The following TSG101 variants were observed in gnomAD, a reference collection of about 807,000 sequenced individuals.
The protein encoded by TSG101 is tumor susceptibility gene 101 protein.
A neutral mutation model predicts 48.5 loss-of-function variants in TSG101; 19 were observed. The ratio of observed to expected loss-of-function variants is 0.39; its 90% confidence interval spans 0.27 to 0.58. TSG101 has a LOEUF of 0.58. TSG101 is among the 20% of genes least tolerant of loss of function. The pLI, the probability that TSG101 is intolerant of heterozygous loss-of-function variation, is 0.55. For missense variants in TSG101, 365 were observed against 484.4 expected, an observed-to-expected ratio of 0.75 and a Z score of 2.31; for synonymous variants, 174 against 169.4, an observed-to-expected ratio of 1.03 and a Z score of -0.21.
chr11:18,515,908 G>C (rs1160062965), intron 3 of TSG101, among the ~76,000 whole-genome samples, 191 bp downstream of exon 3: 1 of 152,196 alleles, frequency 6.6e-6, no homozygotes, highest in Non-Finnish European at 1.5e-5. Flanking sequence ...ATATATCTTG[G>C]TAAGGAAGTT....
rs367779669 is a variant in TSG101 at position 18,480,581 on chromosome 11, C to T, written c.1138G>A (p.Ala380Thr). 3 of 1,613,936 alleles carry T rather than the reference C, an allele frequency of 1.9e-6. No individual in the cohort carries two copies. The highest frequency in any genetic ancestry group is 2.5e-6 in the Non-Finnish European group (3 of 1,179,950). Reference sequence around the variant, plus strand: ...TCACTGAGACCGGCAGTCTTTCTTGCTTTTTGCATTAGTGCCCTCAGCTGG... The same window carrying T: ...TCACTGAGACCGGCAGTCTTTCTTGTTTTTTGCATTAGTGCCCTCAGCTGG... ...QFQLRALMQK[A>T]RKTAGLSDLY The change falls in exon 10 of 10, where the codon GCA becomes ACA. Residue 380 changes from alanine (A) to threonine (T), a missense_variant. By Grantham distance (58) the Ala-to-Thr change is moderately conservative. Coordinates refer to ENST00000251968, the MANE Select transcript of TSG101 (RefSeq NM_006292.4).
intron 7 of TSG101, among the ~76,000 whole-genome samples, chr11:18,486,711 G>A (rs867590536): frequency 6.8e-4 from 102 of 151,000 alleles, no homozygotes; most frequent in African/African-American, 2.0e-3. Context: ...TCAGTGTGGC[G>A]ATTCCTCAGG....
intron 7 of TSG101, among the ~76,000 whole-genome samples, chr11:18,499,402 A>ATATATATATATATATATTTTTTTTTT: frequency 5.5e-4 from 3 of 5,450 alleles, no homozygotes; most frequent in Non-Finnish European, 1.0e-3. Flanking sequence ...ATATATATAT[A>ATATATATATATATATATTTTTTTTTT]TTTTTTTTTT....
chr11:18,502,376 T>C, intron 7 of TSG101, 110 bp downstream of exon 7: 1 of 758,440 alleles, frequency 1.3e-6, no homozygotes, highest in Non-Finnish European at 2.1e-6. Context: ...ATTATAGGTT[T>C]TCCTCTAAGA....
intron 7 of TSG101, among the ~76,000 whole-genome samples, chr11:18,500,409 T>C (rs1849869564): frequency 6.6e-6 from 1 of 152,212 alleles, no homozygotes; most frequent in African/African-American, 2.4e-5. Context: ...CCATACTGTT[T>C]TCCATAGTGG....
At chr11:18,507,116 C>T (rs768367402) in intron 5 of TSG101, among the ~76,000 whole-genome samples, 193 bp from the exon 6 acceptor site, 3 of 152,160 alleles carry the variant, frequency 2.0e-5, no homozygotes, top group African/African-American at 2.4e-5. Flanking sequence ...AATTACAATA[C>T]TTATGACAAT....
chr11:18,502,026 C>T (rs1361950269), intron 7 of TSG101, among the ~76,000 whole-genome samples: 1 of 152,228 alleles, frequency 6.6e-6, no homozygotes, highest in Non-Finnish European at 1.5e-5. Flanking sequence ...AATTCTCTCA[C>T]TGCCTTAGTT....
intron 6 of TSG101, among the ~76,000 whole-genome samples, 167 bp downstream of exon 6, chr11:18,506,689 CA>C (rs201817783): frequency 2.7e-5 from 4 of 150,752 alleles, no homozygotes; most frequent in African/African-American, 9.8e-5. Context: ...GACTCCATCT[CA>C]AAAAAAATAA....
intron 4 of TSG101, among the ~76,000 whole-genome samples, chr11:18,511,713 T>C (rs1850085697): frequency 6.6e-6 from 1 of 152,232 alleles, no homozygotes; most frequent in South Asian, 2.1e-4. Flanking sequence ...CACGAAGCTA[T>C]GCAACCATTA....
At chr11:18,512,683 C>T (rs1850106127) in intron 4 of TSG101, among the ~76,000 whole-genome samples, 1 of 150,364 alleles carries the variant, frequency 6.7e-6, no homozygotes, top group African/African-American at 2.4e-5. Flanking sequence ...GGCAGGCAGA[C>T]AGTCAGGATC....
intron 7 of TSG101, among the ~76,000 whole-genome samples, chr11:18,496,812 C>G (rs568086964): frequency 7.9e-5 from 12 of 152,028 alleles, no homozygotes; most frequent in African/African-American, 2.7e-4. Flanking sequence ...AGGATAGCGC[C>G]AGGTGTGGTG....
At chr11:18,510,687 C>G (rs560475878) in intron 4 of TSG101, among the ~76,000 whole-genome samples, 5 of 152,220 alleles carry the variant, frequency 3.3e-5, no homozygotes, top group African/African-American at 1.2e-4. Context: ...TTTAAAAATT[C>G]TAGGTCTATT....
At chr11:18,484,647 G>T (rs1275022109) in intron 7 of TSG101, among the ~76,000 whole-genome samples, 2 of 152,194 alleles carry the variant, frequency 1.3e-5, no homozygotes, top group Non-Finnish European at 2.9e-5. Flanking sequence ...TTCAACAGCT[G>T]ATAAACTGTT....
At chr11:18,512,172 A>G (rs552345358) in intron 4 of TSG101, among the ~76,000 whole-genome samples, 1 of 152,324 alleles carries the variant, frequency 6.6e-6, no homozygotes, top group East Asian at 1.9e-4. Context: ...TGGGAGGCTG[A>G]GGCGGACGGA....
In TSG101 at chr11:18,484,023, G is replaced by A. The variant is rs1360355238; in HGVS notation, c.690C>T (p.Leu230=). 13 of 1,614,110 alleles carry A rather than the reference G, an allele frequency of 8.1e-6. No individual in the cohort carries two copies. The highest frequency in any genetic ancestry group is 1.0e-5 in the Non-Finnish European group (12 of 1,180,056). ...TISEDTIRAS[L]ISAVSDKLRW... is the part of the protein sequence containing the mutation. ...TCAGTTTGTCACTGACCGCAGAGAT[G>A]AGAGAGGCTCGGATGGTGTCCTCGC... is the stretch of plus-strand genomic sequence containing the variant. Residue 230 remains leucine (L), a synonymous_variant, in exon 8 of 10, where the codon CTC becomes CTT. Coordinates refer to ENST00000251968, the MANE Select transcript of TSG101 (RefSeq NM_006292.4).
At position 18,526,906 on chromosome 11, in the gene TSG101, A is replaced by C; in HGVS notation, c.-90T>G. 7.0e-7 allele frequency: 1 copy of C among 1,432,680 alleles called. No homozygotes were observed. The highest frequency in any genetic ancestry group is 1.2e-5 in the South Asian group (1 of 81,748). 88.7% of individuals were successfully genotyped at this position (1,432,680 alleles called of 1,614,324 possible). On this transcript the variant is annotated 5_prime_UTR_variant, in exon 1 of 10. Transcript: ENST00000251968. ...CCGTCCCACACAATCGCACACCCCC[A>C]ACCCGGCCTCAAACAACAGGAAGTC...
At chr11:18,481,208 G>A in intron 9 of TSG101, 1 of 864,162 alleles carries the variant, frequency 1.2e-6, no homozygotes, top group Non-Finnish European at 1.4e-6. Flanking sequence ...TGAAAGGGCA[G>A]CCTGATACTT....
At chr11:18,490,794 G>C in intron 7 of TSG101, 1 of 525,966 alleles carries the variant, frequency 1.9e-6, no homozygotes, top group South Asian at 1.6e-5. Flanking sequence ...GGAAAGCAGC[G>C]GGCACCAACC....
intron 8 of TSG101, among the ~76,000 whole-genome samples, chr11:18,482,974 G>A (rs1407946082): frequency 6.6e-6 from 1 of 152,102 alleles, no homozygotes; most frequent in East Asian, 1.9e-4. Flanking sequence ...GTTTGGCTGT[G>A]TCCCCACCCA....
Sources: gnomAD v4.1 joint callset for allele counts (sites outside exome capture counted in the v4.1 genomes callset) on GRCh38, gnomAD v4.1.1 for gene constraint, MANE v1.5 for transcripts, NCBI Gene and HGNC (gene_info 2026-07-23, HGNC 2026-07-21) for gene names.